PRPS2: variants seen among roughly 807,000 people sequenced by gnomAD.
PRPS2 encodes phosphoribosyl pyrophosphate synthetase 2, also known as ribose-phosphate pyrophosphokinase 2.
For missense variants in PRPS2, 104 were observed against 271.5 expected (o/e 0.38, Z 4.34); for synonymous variants, 111 against 115.3 (o/e 0.96, Z 0.24).
intron 2 of PRPS2, among the ~76,000 whole-genome samples, chrX:12,805,415 T>C (rs2042588325): frequency 8.9e-6 from 1 of 112,075 alleles, no homozygotes; most frequent in Non-Finnish European, 1.9e-5. Context: ...GGGCAAACTT[T>C]TTCTGAAAAG....
chrX:12,806,915 C>T (rs1337904949), intron 2 of PRPS2, among the ~76,000 whole-genome samples: 1 of 111,231 alleles, frequency 9.0e-6, no homozygotes, highest in Non-Finnish European at 1.9e-5. Context: ...ATGGAGAAAC[C>T]CCTTCTCTAC....
intron 6 of PRPS2, among the ~76,000 whole-genome samples, chrX:12,821,989 G>C (rs1010799723): frequency 1.1e-5 from 1 of 93,592 alleles, no homozygotes; most frequent in African/African-American, 3.4e-5. Flanking sequence ...CATGATTTCT[G>C]ATTCCTCAGA....
intron 2 of PRPS2, among the ~76,000 whole-genome samples, chrX:12,805,050 C>T (rs2042587085): frequency 8.9e-6 from 1 of 111,774 alleles, no homozygotes; most frequent in African/African-American, 3.3e-5. Flanking sequence ...TTAAGCAAGC[C>T]CTGCACATAT....
chrX:12,795,386 A>T (rs1167403740), intron 1 of PRPS2, among the ~76,000 whole-genome samples: 1 of 111,694 alleles, frequency 9.0e-6, no homozygotes, highest in Non-Finnish European at 1.9e-5. Context: ...TGTTTTGTCA[A>T]CCTCTCAGCT....
At chrX:12,804,556 G>T (rs1297439077) in intron 2 of PRPS2, among the ~76,000 whole-genome samples, 1 of 111,297 alleles carries the variant, frequency 9.0e-6, no homozygotes, top group Non-Finnish European at 1.9e-5. Context: ...GGGGAACTGG[G>T]ATTTAGTAAG....
intron 4 of PRPS2, among the ~76,000 whole-genome samples, chrX:12,813,780 C>G (rs982423657): frequency 8.9e-6 from 1 of 111,846 alleles, no homozygotes; most frequent in Non-Finnish European, 1.9e-5. Flanking sequence ...TTTGCATAGA[C>G]GAGATCACAG....
chrX:12,811,379 G>A (rs1158395306), intron 4 of PRPS2, among the ~76,000 whole-genome samples: 1 of 111,791 alleles, frequency 8.9e-6, no homozygotes, highest in African/African-American at 3.3e-5. Flanking sequence ...AGAGATACTC[G>A]AGGCGTTAAC....
intron 1 of PRPS2, among the ~76,000 whole-genome samples, chrX:12,796,983 G>A (rs890364358): frequency 4.8e-5 from 5 of 105,114 alleles, no homozygotes; most frequent in East Asian, 5.9e-4. Flanking sequence ...GCATGATGTC[G>A]ACACTCAGAA....
chrX:12,802,491 C>T (rs1291444316), intron 2 of PRPS2, among the ~76,000 whole-genome samples: 1 of 111,490 alleles, frequency 9.0e-6, no homozygotes, highest in Non-Finnish European at 1.9e-5. Context: ...GCATGCGCCA[C>T]GACGCCTGGC....
At chrX:12,811,166 G>A (rs2042622219) in intron 4 of PRPS2, among the ~76,000 whole-genome samples, 1 of 112,541 alleles carries the variant, frequency 8.9e-6, no homozygotes, top group Admixed American at 9.4e-5. Flanking sequence ...GTCCACGCAG[G>A]CCCAGCATGT....
intron 2 of PRPS2, among the ~76,000 whole-genome samples, chrX:12,801,632 G>A (rs1430358175): frequency 1.3e-4 from 15 of 112,000 alleles, no homozygotes; most frequent in African/African-American, 3.9e-4. Flanking sequence ...TTTTTGAGAC[G>A]GAGTCTCACT....
At chrX:12,792,504 C>A (rs1400620158) in intron 1 of PRPS2, among the ~76,000 whole-genome samples, 1 of 111,890 alleles carries the variant, frequency 8.9e-6, no homozygotes, top group East Asian at 2.8e-4. Context: ...GGAAGCTGAC[C>A]TGGGGGGCTC....
intron 1 of PRPS2, among the ~76,000 whole-genome samples, chrX:12,794,435 G>A (rs746095025): frequency 3.6e-5 from 4 of 111,861 alleles, no homozygotes; most frequent in African/African-American, 9.8e-5. Flanking sequence ...TTGCAAGTTG[G>A]TGTATCATAA....
At chrX:12,803,898 C>T (rs1242207015) in intron 2 of PRPS2, among the ~76,000 whole-genome samples, 2 of 111,171 alleles carry the variant, frequency 1.8e-5, no homozygotes, top group Non-Finnish European at 3.8e-5. Context: ...TGAAAGGGAG[C>T]TCTATGGATA....
In PRPS2 at chrX:12,819,685, G is replaced by T. The variant is rs2302266; in HGVS notation, c.704+5G>T. ...CATCTGCCATGCTGCGGACAAGTAC[G>T]CAGGGCGGTGGGGAAAGCGTTAGGA... On this transcript the variant is annotated splice_donor_5th_base_variant and intron_variant, in intron 5 of 6. Coordinates refer to ENST00000380668, the MANE Select transcript of PRPS2 (RefSeq NM_002765.5). 5 of 1,205,642 alleles carry T rather than the reference G, an allele frequency of 4.1e-6. No homozygotes were observed. Among genetic ancestry groups the T allele is most frequent in the East Asian group, 3.0e-5 (1 of 33,667 alleles).
Position 12,820,732 on chromosome X carries a change from G to A in PRPS2, c.793G>A (p.Ala265Thr), listed in dbSNP as rs778779980. 104 of 1,209,467 alleles carry A rather than the reference G, an allele frequency of 8.6e-5. No homozygotes were observed. Among genetic ancestry groups the A allele is most frequent in the Non-Finnish European group, 1.0e-4 (93 of 895,152 alleles). ...AGCTATTTCCAGAATAAATAATGCC[G>A]CCTTTGAGGCTGTTGTCGTCACAAA... ...GPAISRINNA[A>T]FEAVVVTNTI... The change falls in exon 6 of 7, where the codon GCC (alanine) becomes ACC (threonine). Residue 265 changes from alanine to threonine, a missense_variant. Ala to Thr is a moderately conservative substitution (Grantham distance 58, BLOSUM62 0). Coordinates refer to ENST00000380668, the MANE Select transcript of PRPS2 (RefSeq NM_002765.5).
At chrX:12,820,905 C>T (rs1335660176) in intron 6 of PRPS2, 102 bp downstream of exon 6, 1 of 927,608 alleles carries the variant, frequency 1.1e-6, no homozygotes, top group Non-Finnish European at 1.5e-6. Context: ...TGCTAAGGCA[C>T]ATGCTTGGCA....
intron 4 of PRPS2, among the ~76,000 whole-genome samples, chrX:12,812,091 A>G (rs935087102): frequency 7.1e-5 from 8 of 112,260 alleles, no homozygotes; most frequent in African/African-American, 2.6e-4. Context: ...CCAAGAATCA[A>G]GGTTGAATGA....
rs747227750 is a variant in PRPS2, at chrX:12,810,057, G to A, written c.441G>A (p.Ala147=). ...ATATTCCTGTGGATAATTTGTATGC[G>A]GAGCCCGCAGTCCTGCAGTGGATTC... ...FFDIPVDNLY[A]EPAVLQWIRE... is the part of the protein sequence containing the mutation. The change falls in exon 4 of 7, where the codon GCG becomes GCA. Residue 147 remains alanine, a synonymous_variant. Transcript: ENST00000380668. 2.1e-5 allele frequency: 25 copies of A among 1,208,229 alleles called. No homozygotes were observed. The highest frequency in any genetic ancestry group is 3.6e-5 in the South Asian group (2 of 56,213).
Sources: allele counts gnomAD v4.1 joint callset (sites outside exome capture counted in the v4.1 genomes callset), GRCh38; gene constraint gnomAD v4.1.1; transcripts MANE v1.5; gene names NCBI Gene and HGNC (gene_info 2026-07-23, HGNC 2026-07-21).